Variants in GSE1 observed in about 807,000 individuals in gnomAD.
GSE1 encodes the protein genetic suppressor element 1.
GSE1 carries 32 observed loss-of-function variants against 112.6 expected under a neutral mutation model. The ratio of observed to expected loss-of-function variants is 0.28; its 90% CI spans 0.21 to 0.38. The LOEUF is 0.38. Ranked by LOEUF, GSE1 falls within the 10% of genes least tolerant of loss-of-function variation. The probability of loss-of-function intolerance (pLI) is 1.00; values close to 1 mark genes in which losing one functional copy is unlikely to be tolerated. For missense variants in GSE1, 2,348 were observed against 1,699.2 expected, an observed-to-expected ratio of 1.38 and a Z score of -6.71; for synonymous variants, 1,115 against 735.6, an observed-to-expected ratio of 1.52 and a Z score of -8.35.
chr16:85,290,225 C>A (rs2045167238), intron 1 of GSE1, among the ~76,000 whole-genome samples: 1 of 152,196 alleles, frequency 6.6e-6, no homozygotes, highest in Non-Finnish European at 1.5e-5. Context: ...CTGGCCAAGG[C>A]CCCGCCCGCA....
At chr16:85,617,340 C>G (rs943905892) in intron 1 of GSE1, among the ~76,000 whole-genome samples, 3 of 152,200 alleles carry the variant, frequency 2.0e-5, no homozygotes, top group African/African-American at 7.2e-5. Context: ...CTCTGGTTTA[C>G]CTTCACCTGC....
At position 85,352,783 on chromosome 16, in the gene GSE1, C is replaced by T. The variant is rs116657984; in HGVS notation, c.2284-4680C>T. Among the ~76,000 whole-genome samples, 1,492 of 152,298 alleles carry T rather than the reference C, an allele frequency of 9.8e-3. 24 individuals carry two copies. Among genetic ancestry groups the T allele is most frequent in the African/African-American group, 0.034 (1,432 of 41,554 alleles). On this transcript the variant is annotated intron_variant, in intron 1 of 2. Coordinates refer to the GSE1 transcript ENST00000637419. ...GCCTTGCGTGTCCATTAATATTGAC[C>T]AGGCTCCCCTGGGAGTCCAGGCCAG...
chr16:85,584,182 C>T (rs1187050147), intron 1 of GSE1, among the ~76,000 whole-genome samples: 2 of 151,690 alleles, frequency 1.3e-5, no homozygotes, highest in Non-Finnish European at 2.9e-5. Context: ...TGTTTGGAGA[C>T]CTTCCTCCCC....
chr16:85,307,229 C>G (rs2045703750), intron 1 of GSE1, among the ~76,000 whole-genome samples: 1 of 152,196 alleles, frequency 6.6e-6, no homozygotes, highest in Non-Finnish European at 1.5e-5. Flanking sequence ...GGTGGAGAGG[C>G]AGGTACACTC....
intron 1 of GSE1, among the ~76,000 whole-genome samples, chr16:85,196,767 C>T (rs567376236): frequency 6.6e-6 from 1 of 152,156 alleles, no homozygotes; most frequent in African/African-American, 2.4e-5. Context: ...TGTGTTTAGA[C>T]CGCATGTTTA....
chr16:85,629,982 C>G (rs1015693296), intron 1 of GSE1, among the ~76,000 whole-genome samples: 5 of 152,178 alleles, frequency 3.3e-5, no homozygotes, highest in African/African-American at 1.2e-4. Context: ...GTGGTTCTGG[C>G]TCAGGGTCTG....
intron 1 of GSE1, among the ~76,000 whole-genome samples, chr16:85,202,719 G>A (rs926741006): frequency 1.3e-5 from 2 of 152,240 alleles, no homozygotes; most frequent in African/African-American, 4.8e-5. Context: ...TCTGGCCGGA[G>A]CCAGGCCGAT....
chr16:85,555,216 G>A, upstream of GSE1: 1 of 985,388 alleles, frequency 1.0e-6, no homozygotes, highest in African/African-American at 1.7e-5. Context: ...TACCGATAAT[G>A]ATTCTTGCAT....
At chr16:85,534,676 G>A (rs971486672) in intron 2 of GSE1, among the ~76,000 whole-genome samples, 3 of 152,318 alleles carry the variant, frequency 2.0e-5, no homozygotes, top group East Asian at 1.9e-4. Flanking sequence ...TCGTGCCGCC[G>A]TGAGCTCGGG....
intron 2 of GSE1, among the ~76,000 whole-genome samples, chr16:85,389,158 C>A (rs950820940): frequency 6.6e-6 from 1 of 152,258 alleles, no homozygotes; most frequent in South Asian, 2.1e-4. Flanking sequence ...TAGAGCAGAA[C>A]CTCATTAAGA....
intron 1 of GSE1, among the ~76,000 whole-genome samples, chr16:85,304,496 G>A (rs1407073699): frequency 6.6e-6 from 1 of 151,728 alleles, no homozygotes; most frequent in Admixed American, 6.6e-5. Context: ...TGGAGCTCAG[G>A]CTCTCCCATG....
At chr16:85,455,688 C>A (rs951251814) in intron 2 of GSE1, among the ~76,000 whole-genome samples, 1 of 152,202 alleles carries the variant, frequency 6.6e-6, no homozygotes, top group Non-Finnish European at 1.5e-5. Context: ...CAAGCTGCCT[C>A]CCCCGCACGA....
chr16:85,322,802 G>C (rs932977817), intron 1 of GSE1, among the ~76,000 whole-genome samples: 1 of 152,070 alleles, frequency 6.6e-6, no homozygotes, highest in Non-Finnish European at 1.5e-5. Flanking sequence ...TTTTAGTAGA[G>C]AGGGGGTTTC....
At chr16:85,630,667 C>G (rs77595549) in intron 1 of GSE1, among the ~76,000 whole-genome samples, 5 of 152,162 alleles carry the variant, frequency 3.3e-5, no homozygotes, top group Non-Finnish European at 7.3e-5. Context: ...GTGTGGTGCG[C>G]GCACATGTGA....
intron 2 of GSE1, among the ~76,000 whole-genome samples, chr16:85,414,109 A>C (rs1425901351): frequency 6.6e-6 from 1 of 152,194 alleles, no homozygotes; most frequent in Non-Finnish European, 1.5e-5. Context: ...GTGAGAACGG[A>C]CTAACACAGA....
At chr16:85,658,991 T>TCGGGGGC in intron 8 of GSE1, among the ~76,000 whole-genome samples, 1 of 152,206 alleles carries the variant, frequency 6.6e-6, no homozygotes, top group Non-Finnish European at 1.5e-5. Flanking sequence ...CATTGTGAAC[T>TCGGGGGC]TGGGGGCCTG....
At chr16:85,551,780 G>A (rs945372772), upstream of GSE1, among the ~76,000 whole-genome samples, 2 of 152,238 alleles carry the variant, frequency 1.3e-5, no homozygotes, top group East Asian at 1.9e-4. Flanking sequence ...CCTTCCCGAG[G>A]ATGTGGCTAA....
chr16:85,505,164 A>G (rs923914089), intron 2 of GSE1, among the ~76,000 whole-genome samples: 4 of 152,094 alleles, frequency 2.6e-5, no homozygotes, highest in African/African-American at 9.7e-5. Context: ...TCTGGCGCCC[A>G]GGGGAGGATG....
chr16:85,378,855 C>A (rs1185273144), intron 2 of GSE1, among the ~76,000 whole-genome samples: 2 of 152,194 alleles, frequency 1.3e-5, no homozygotes, highest in East Asian at 3.9e-4. Context: ...TGCTGTTGCT[C>A]CCTCTCCTCC....
Sources: allele counts gnomAD v4.1 joint callset (sites outside exome capture counted in the v4.1 genomes callset), GRCh38; gene constraint gnomAD v4.1.1; transcripts MANE v1.5; gene names NCBI Gene and HGNC (gene_info 2026-07-23, HGNC 2026-07-21).